PCDH9: variants seen among roughly 807,000 people sequenced by gnomAD.
PCDH9 encodes the protein protocadherin 9, also known as protocadherin-9.
A neutral mutation model predicts 70.6 loss-of-function variants in PCDH9; 24 were observed. The ratio of observed to expected loss-of-function variants is 0.34; its 90% CI spans 0.25 to 0.48. PCDH9 has a LOEUF of 0.48. PCDH9 is among the 20% of genes least tolerant of loss of function. The pLI is 0.99. For missense variants in PCDH9, 1,281 were observed against 1,503.6 expected, an observed-to-expected ratio of 0.85 and a Z score of 2.45; for synonymous variants, 562 against 558.5, an observed-to-expected ratio of 1.01 and a Z score of -0.09.
At chr13:66,985,216 T>C (rs2083865976) in intron 2 of PCDH9, among the ~76,000 whole-genome samples, 1 of 152,108 alleles carries the variant, frequency 6.6e-6, no homozygotes, top group Non-Finnish European at 1.5e-5. Context: ...GACAAGAATA[T>C]ATATTCTTTC....
At chr13:66,824,303 G>GTATATATATATA (rs60742942) in intron 3 of PCDH9, among the ~76,000 whole-genome samples, 2 of 128,380 alleles carry the variant, frequency 1.6e-5, no homozygotes, top group African/African-American at 5.9e-5. Flanking sequence ...TTGTTTGAAA[G>GTATATATATATA]TATATATATA....
At chr13:66,661,471 G>A (rs888773496) in intron 3 of PCDH9, among the ~76,000 whole-genome samples, 6 of 152,064 alleles carry the variant, frequency 3.9e-5, no homozygotes, top group East Asian at 1.9e-4. Context: ...TTCAATGTGC[G>A]GCTTCAGGAT....
At chr13:67,118,153 T>C (rs549818118) in intron 2 of PCDH9, among the ~76,000 whole-genome samples, 86 of 152,278 alleles carry the variant, frequency 5.6e-4, no homozygotes, top group African/African-American at 2.0e-3. Flanking sequence ...TTGCATGCTG[T>C]AGAAAATTCT....
chr13:66,791,086 C>T (rs528423890), intron 3 of PCDH9, among the ~76,000 whole-genome samples: 15 of 152,224 alleles, frequency 9.9e-5, no homozygotes, highest in South Asian at 2.1e-4. Flanking sequence ...TCCTACACCA[C>T]GCACTGAATT....
intron 3 of PCDH9, among the ~76,000 whole-genome samples, chr13:66,776,458 A>T (rs1252766486): frequency 4.0e-5 from 6 of 151,036 alleles, no homozygotes; most frequent in Non-Finnish European, 7.4e-5. Flanking sequence ...AATGTACAAA[A>T]ATCACAAGCA....
intron 3 of PCDH9, among the ~76,000 whole-genome samples, chr13:66,857,850 C>A (rs1171437015): frequency 6.6e-6 from 1 of 152,020 alleles, no homozygotes; most frequent in Admixed American, 6.6e-5. Flanking sequence ...CTTTTCCTCC[C>A]AATTCATAGA....
At chr13:66,372,081 A>G (rs574761886) in intron 4 of PCDH9, among the ~76,000 whole-genome samples, 54 of 152,186 alleles carry the variant, frequency 3.5e-4, no homozygotes, top group African/African-American at 1.3e-3. Context: ...ACCCTCAAAT[A>G]TATGTACTGA....
At chr13:66,831,163 CTCTT>C (rs748032228) in intron 3 of PCDH9, among the ~76,000 whole-genome samples, 23 of 152,272 alleles carry the variant, frequency 1.5e-4, no homozygotes, top group Non-Finnish European at 2.9e-4. Context: ...GCAGTAGTGT[CTCTT>C]TCTGTCTTAC....
intron 3 of PCDH9, among the ~76,000 whole-genome samples, chr13:66,878,127 A>G (rs2081851888): frequency 6.6e-6 from 1 of 152,222 alleles, no homozygotes; most frequent in Admixed American, 6.5e-5. Flanking sequence ...GATGCAGAGC[A>G]TGAAACAGTG....
At chr13:66,326,022 C>A (rs1955836189) in intron 4 of PCDH9, among the ~76,000 whole-genome samples, 1 of 152,164 alleles carries the variant, frequency 6.6e-6, no homozygotes, top group African/African-American at 2.4e-5. Context: ...ATTACTCTAT[C>A]AAACCTCCAT....
At chr13:66,493,213 A>T (rs542915638) in intron 4 of PCDH9, among the ~76,000 whole-genome samples, 66 of 152,134 alleles carry the variant, frequency 4.3e-4, no homozygotes, top group Non-Finnish European at 8.2e-4. Flanking sequence ...TATTTGGAGG[A>T]AAAGTTCATC....
At chr13:66,316,710 T>C (rs1955657869) in intron 4 of PCDH9, among the ~76,000 whole-genome samples, 1 of 152,082 alleles carries the variant, frequency 6.6e-6, no homozygotes, top group Admixed American at 6.6e-5. Flanking sequence ...CTCTACTCAG[T>C]CAATTTTTAT....
intron 3 of PCDH9, among the ~76,000 whole-genome samples, chr13:66,779,187 T>A (rs988670350): frequency 6.6e-6 from 1 of 152,252 alleles, no homozygotes; most frequent in East Asian, 1.9e-4. Context: ...AGTGGCTTTT[T>A]TTTTTTAACA....
At chr13:66,484,414 A>G (rs1393186599) in intron 4 of PCDH9, among the ~76,000 whole-genome samples, 1 of 152,132 alleles carries the variant, frequency 6.6e-6, no homozygotes, top group Non-Finnish European at 1.5e-5. Context: ...GAAGCGAGCC[A>G]CACCCACATC....
At chr13:66,517,209 T>C (rs770868670) in intron 4 of PCDH9, among the ~76,000 whole-genome samples, 3 of 152,148 alleles carry the variant, frequency 2.0e-5, no homozygotes, top group Non-Finnish European at 4.4e-5. Context: ...TTTAGAAATT[T>C]ATATTTTGAA....
chr13:67,147,479 C>G (rs982955157), intron 2 of PCDH9, among the ~76,000 whole-genome samples: 1 of 152,166 alleles, frequency 6.6e-6, no homozygotes, highest in African/African-American at 2.4e-5. Context: ...GTCTTCAGCT[C>G]TCCTGTTCAG....
At chr13:67,174,545 A>G (rs1052630903) in intron 2 of PCDH9, among the ~76,000 whole-genome samples, 1 of 152,160 alleles carries the variant, frequency 6.6e-6, no homozygotes, top group Admixed American at 6.6e-5. Context: ...ACGTGAGATA[A>G]GATTATGTGT....
rs140996034 is a variant in PCDH9, at chr13:67,226,155, C to G, written c.2286G>C (p.Lys762Asn). 9 of 1,614,160 alleles carry G rather than the reference C, an allele frequency of 5.6e-6. No individual in the cohort carries two copies. The highest frequency in any genetic ancestry group is 7.6e-6 in the Non-Finnish European group (9 of 1,180,022). Residue 762 changes from lysine (K) to asparagine (N), a missense_variant, in exon 2 of 5, where the codon AAG (lysine) becomes AAC (asparagine). Lys to Asn is a moderately conservative substitution (Grantham distance 94). Coordinates refer to ENST00000377865, the MANE Select transcript of PCDH9 (RefSeq NM_203487.3). This position sits in a 1 kb window ranked among gnomAD's most constrained non-coding sequence, Gnocchi z 5.0. Reference sequence around the variant, plus strand: ...ATACAAGCACAAGCGTGTGCAAAGACTTAGGGTACCCCAGGTCACTTATGT... The same window carrying G: ...ATACAAGCACAAGCGTGTGCAAAGAGTTAGGGTACCCCAGGTCACTTATGT... The part of the protein sequence containing the change: ...VVNISDLGYP[K>N]SLHTLVLVFL...
At chr13:66,642,017 A>G (rs1167975864) in intron 3 of PCDH9, among the ~76,000 whole-genome samples, 1 of 152,096 alleles carries the variant, frequency 6.6e-6, no homozygotes, top group African/African-American at 2.4e-5. Flanking sequence ...ATTTACTTCC[A>G]GTTATGTAAG....
Sources: gnomAD v4.1 joint callset for allele counts (sites outside exome capture counted in the v4.1 genomes callset) on GRCh38, gnomAD v4.1.1 for gene constraint, Gnocchi (gnomAD v3.1) non-coding constraint, MANE v1.5 for transcripts, NCBI Gene and HGNC (gene_info 2026-07-23, HGNC 2026-07-21) for gene names.